LRP1B: variants seen among roughly 807,000 people sequenced by gnomAD.
LRP1B encodes low-density lipoprotein receptor-related protein 1B.
A neutral mutation model predicts 556.6 loss-of-function variants in LRP1B; 217 were observed. The observed-to-expected ratio is 0.39, with a 90% CI of 0.35 to 0.44. LRP1B has a LOEUF of 0.44. Among genes scored for constraint, LRP1B ranks in the 20% least tolerant of loss-of-function variants. The probability of loss-of-function intolerance (pLI) is 1.00; values close to 1 mark genes in which losing one functional copy is unlikely to be tolerated. For synonymous variants in LRP1B, 2,047 were observed against 1,865.8 expected, an observed-to-expected ratio of 1.10 and a Z score of -2.50; for missense variants, 5,053 against 5,620.8, an observed-to-expected ratio of 0.90 and a Z score of 3.23.
chr2:140,674,835 A>G (rs1023081236), intron 41 of LRP1B, among the ~76,000 whole-genome samples: 2 of 152,376 alleles, frequency 1.3e-5, no homozygotes, highest in Middle Eastern at 3.4e-3. Flanking sequence ...CAGCACTTCA[A>G]TTCCAGGATA....
intron 2 of LRP1B, among the ~76,000 whole-genome samples, chr2:141,579,813 C>A (rs984750198): frequency 2.8e-5 from 4 of 144,518 alleles, no homozygotes; most frequent in African/African-American, 5.3e-5. Context: ...CATTCTCCTG[C>A]CTCAGCCTCC....
chr2:140,405,372 G>T (rs1573899718), intron 66 of LRP1B, among the ~76,000 whole-genome samples: 1 of 152,002 alleles, frequency 6.6e-6, no homozygotes, highest in East Asian at 1.9e-4. Context: ...AATCGGAGCA[G>T]AATTTAAGGA....
chr2:142,119,980 T>C (rs1707399275), intron 1 of LRP1B, among the ~76,000 whole-genome samples: 1 of 152,186 alleles, frequency 6.6e-6, no homozygotes, highest in Non-Finnish European at 1.5e-5. Context: ...GTTTATTCAA[T>C]GAATGTGTAG....
chr2:141,373,030 T>A (rs2105595874), intron 3 of LRP1B, among the ~76,000 whole-genome samples: 1 of 152,226 alleles, frequency 6.6e-6, no homozygotes, highest in Non-Finnish European at 1.5e-5. Context: ...TAGGTTTTAG[T>A]ATGTTGTGTT....
intron 60 of LRP1B, among the ~76,000 whole-genome samples, chr2:140,469,436 C>G (rs912347978): frequency 1.3e-5 from 2 of 152,100 alleles, no homozygotes; most frequent in Non-Finnish European, 2.9e-5. Context: ...AATTATCCAG[C>G]CAATAGTATT....
chr2:141,908,274 A>G (rs1699812798), intron 1 of LRP1B, among the ~76,000 whole-genome samples: 1 of 152,070 alleles, frequency 6.6e-6, no homozygotes, highest in Admixed American at 6.6e-5. Flanking sequence ...TAATGAACAT[A>G]ATGTTCATAA....
At chr2:141,158,681 A>T (rs1258188923) in intron 7 of LRP1B, among the ~76,000 whole-genome samples, 1 of 152,190 alleles carries the variant, frequency 6.6e-6, no homozygotes, top group African/African-American at 2.4e-5. Context: ...AAGCAGCTAC[A>T]GTATACATTT....
chr2:140,855,324 AGTT>A (rs57720900), intron 27 of LRP1B, among the ~76,000 whole-genome samples: 146,824 of 149,418 alleles, frequency 0.98, 72,199 homozygotes, highest in Middle Eastern at 1. Context: ...CATTACATAC[AGTT>A]GTTGTCTTTG....
intron 2 of LRP1B, among the ~76,000 whole-genome samples, chr2:141,578,582 T>C (rs1218167445): frequency 6.6e-6 from 1 of 152,072 alleles, no homozygotes; most frequent in Non-Finnish European, 1.5e-5. Flanking sequence ...ATCAATGAAA[T>C]ATTAGAAATG....
intron 41 of LRP1B, among the ~76,000 whole-genome samples, chr2:140,618,828 G>C (rs55921561): frequency 6.6e-6 from 1 of 151,744 alleles, no homozygotes; most frequent in Non-Finnish European, 1.5e-5. Context: ...AGTCAGAGTT[G>C]GGGGCAAGAC....
Position 140,964,139 on chromosome 2 carries a change from G to C in LRP1B, c.2888-12199C>G, listed in dbSNP as rs892791504. Reference sequence around the variant, plus strand: ...CCTTCCCTGCCTGGCAGCCGAGGCAGAGAGGGAGAGGAGACAAAGAGAAAG... The same window carrying C: ...CCTTCCCTGCCTGGCAGCCGAGGCACAGAGGGAGAGGAGACAAAGAGAAAG... On this transcript the variant is annotated intron_variant, in intron 18 of 90. Coordinates refer to ENST00000389484, the MANE Select transcript of LRP1B (RefSeq NM_018557.3). Among the ~76,000 whole-genome samples, 35 of 152,190 alleles carry C rather than the reference G, an allele frequency of 2.3e-4. 1 individual carries two copies. The highest frequency in any genetic ancestry group is 7.3e-5 in the Non-Finnish European group (5 of 68,032).
chr2:141,700,064 T>C (rs956254077), intron 2 of LRP1B, among the ~76,000 whole-genome samples: 2 of 151,638 alleles, frequency 1.3e-5, no homozygotes, highest in Non-Finnish European at 2.9e-5. Context: ...TATTGCTTTA[T>C]GCATCAGTAC....
rs1214518623 is a variant in LRP1B, at chr2:141,717,608, AC to A, written c.205+92670del. On this transcript the variant is annotated intron_variant, in intron 2 of 90. Transcript: ENST00000389484. ...AAGGAATCTGCTGGTGCTAAATGTCACCTTGGTTTAGGAATAAAGACAGATT... is the reference window on the plus strand; with the variant it reads ...AAGGAATCTGCTGGTGCTAAATGTCACTTGGTTTAGGAATAAAGACAGATT... Among the ~76,000 whole-genome samples the A allele has an allele frequency of 2.0e-5, 3 of 152,138 alleles. 1 individual carries two copies. The highest frequency in any genetic ancestry group is 1.5e-5 in the Non-Finnish European group (1 of 68,028).
At chr2:141,588,101 A>G (rs879931060) in intron 2 of LRP1B, among the ~76,000 whole-genome samples, 3 of 152,094 alleles carry the variant, frequency 2.0e-5, no homozygotes, top group Non-Finnish European at 4.4e-5. Context: ...CTTTTTCTTA[A>G]CATACTTTTG....
chr2:141,943,809 G>T (rs1700883020), intron 1 of LRP1B, among the ~76,000 whole-genome samples: 3 of 152,138 alleles, frequency 2.0e-5, no homozygotes, highest in Non-Finnish European at 4.4e-5. Context: ...GCATCATAAT[G>T]TAGGAAAATC....
intron 1 of LRP1B, among the ~76,000 whole-genome samples, chr2:142,096,437 G>A (rs1225755250): frequency 7.5e-6 from 1 of 133,688 alleles, no homozygotes; most frequent in Non-Finnish European, 1.6e-5. Context: ...AAAATAAATT[G>A]TATTTTTTTT....
chr2:142,088,710 T>C (rs1475650501), intron 1 of LRP1B, among the ~76,000 whole-genome samples: 4 of 152,084 alleles, frequency 2.6e-5, no homozygotes, highest in African/African-American at 9.7e-5. Context: ...GCGCAGTGGC[T>C]CACACCTGTA....
At chr2:140,659,289 T>A (rs1302600495) in intron 41 of LRP1B, among the ~76,000 whole-genome samples, 1 of 151,874 alleles carries the variant, frequency 6.6e-6, no homozygotes, top group Non-Finnish European at 1.5e-5. Flanking sequence ...GAGTAGTAGA[T>A]CTATTTTTCA....
chr2:140,273,974 A>G (rs1246294340), intron 85 of LRP1B, among the ~76,000 whole-genome samples: 2 of 152,044 alleles, frequency 1.3e-5, no homozygotes, highest in African/African-American at 2.4e-5. Flanking sequence ...AGAAAAAAGG[A>G]TTAATGTGTG....
Sources: gnomAD v4.1 joint callset for allele counts (sites outside exome capture counted in the v4.1 genomes callset) on GRCh38, gnomAD v4.1.1 for gene constraint, MANE v1.5 for transcripts, NCBI Gene and HGNC (gene_info 2026-07-23, HGNC 2026-07-21) for gene names.